THEMIS: variants seen among roughly 807,000 people sequenced by gnomAD.
THEMIS encodes the protein protein THEMIS.
In THEMIS, 37 loss-of-function variants were observed where a neutral mutation model predicts 52.6. That is an observed-to-expected ratio of 0.70 (90% CI 0.54 to 0.93). THEMIS has a LOEUF of 0.93. THEMIS is among the 40% of genes least tolerant of loss of function. The pLI, the probability that THEMIS is intolerant of heterozygous loss-of-function variation, is 0.00. For missense variants in THEMIS, 808 were observed against 763.1 expected (o/e 1.06, Z -0.69); for synonymous variants, 292 against 272.7 (o/e 1.07, Z -0.70).
At chr6:127,770,553 A>G (rs1022851172) in intron 4 of THEMIS, among the ~76,000 whole-genome samples, 1 of 151,798 alleles carries the variant, frequency 6.6e-6, no homozygotes, top group African/African-American at 2.4e-5. Context: ...GATTGCAAAA[A>G]TTTTCTCCCA....
At chr6:127,840,252 G>A (rs1779001394) in intron 2 of THEMIS, among the ~76,000 whole-genome samples, 1 of 152,062 alleles carries the variant, frequency 6.6e-6, no homozygotes, top group Non-Finnish European at 1.5e-5. Flanking sequence ...GTTCATCACA[G>A]TACAAATTGT....
intron 1 of THEMIS, among the ~76,000 whole-genome samples, chr6:127,910,982 G>T (rs1182848402): frequency 6.6e-6 from 1 of 152,034 alleles, no homozygotes; most frequent in East Asian, 1.9e-4. Context: ...ATACTGGTTA[G>T]GCATTTTGTA....
In THEMIS at chr6:127,745,613, A is replaced by G. The variant is rs964111259; in HGVS notation, c.1759-25790T>C. ...CAGTTCTATTTCAACATATTTAACT[A>G]TGTTCTCTTTAGTGCAATGGAAAAA... On this transcript the variant is annotated intron_variant, in intron 4 of 5. Transcript: ENST00000368248. Among the ~76,000 whole-genome samples, 4 of 151,830 alleles carry G rather than the reference A, an allele frequency of 2.6e-5. No individual in the cohort carries two copies. In the East Asian group the frequency reaches 7.7e-4, roughly 29 times the overall value.
chr6:127,740,170 ATT>A (rs896183959), intron 4 of THEMIS, among the ~76,000 whole-genome samples: 1 of 151,690 alleles, frequency 6.6e-6, no homozygotes, highest in Non-Finnish European at 1.5e-5. Flanking sequence ...AACCTAATTG[ATT>A]TTTTTTTCCT....
At chr6:127,814,899 G>A (rs1778071810) in intron 3 of THEMIS, among the ~76,000 whole-genome samples, 1 of 152,174 alleles carries the variant, frequency 6.6e-6, no homozygotes, top group African/African-American at 2.4e-5. Context: ...TCTTATGCCT[G>A]TAATCCCAGC....
At chr6:127,885,995 G>A (rs574484790) in intron 1 of THEMIS, among the ~76,000 whole-genome samples, 1 of 152,186 alleles carries the variant, frequency 6.6e-6, no homozygotes, top group Non-Finnish European at 1.5e-5. Context: ...GTCCAAAAGA[G>A]CCATATGTGG....
At chr6:127,745,527 A>G (rs574377648) in intron 4 of THEMIS, among the ~76,000 whole-genome samples, 6 of 151,866 alleles carry the variant, frequency 4.0e-5, no homozygotes, top group Non-Finnish European at 8.8e-5. Flanking sequence ...AACTACAAGT[A>G]CTGGTCTGTT....
At chr6:127,730,247 A>C (rs547568504) in intron 4 of THEMIS, among the ~76,000 whole-genome samples, 2 of 144,210 alleles carry the variant, frequency 1.4e-5, no homozygotes, top group African/African-American at 5.0e-5. Flanking sequence ...AGGCCTGGGC[A>C]ACAGAGACAG....
chr6:127,722,807 G>A (rs1413939225), intron 4 of THEMIS, among the ~76,000 whole-genome samples: 1 of 151,924 alleles, frequency 6.6e-6, no homozygotes, highest in South Asian at 2.1e-4. Flanking sequence ...TAATATCCAT[G>A]CATTTTTCAT....
At chr6:127,798,217 G>A (rs143586388) in intron 4 of THEMIS, among the ~76,000 whole-genome samples, 159 of 152,092 alleles carry the variant, frequency 1.0e-3, no homozygotes, top group African/African-American at 3.5e-3. Context: ...CTAAAATAGC[G>A]TGCCTTACTC....
At chr6:127,807,865 A>G (rs1777771562) in intron 4 of THEMIS, among the ~76,000 whole-genome samples, 1 of 152,194 alleles carries the variant, frequency 6.6e-6, no homozygotes, top group Non-Finnish European at 1.5e-5. Context: ...AGCCACTGTA[A>G]CTGTCAAACC....
At chr6:127,857,085 A>C (rs1198283083) in intron 1 of THEMIS, among the ~76,000 whole-genome samples, 1 of 150,992 alleles carries the variant, frequency 6.6e-6, no homozygotes, top group African/African-American at 2.4e-5. Flanking sequence ...AAAAAAAAAA[A>C]CCTACTATGT....
intron 4 of THEMIS, among the ~76,000 whole-genome samples, chr6:127,765,979 T>G (rs962872320): frequency 2.0e-5 from 3 of 152,282 alleles, no homozygotes; most frequent in South Asian, 2.1e-4. Context: ...TCTTAAATTT[T>G]TATTGATTCT....
chr6:127,717,448 G>T (rs1158581680), intron 5 of THEMIS, among the ~76,000 whole-genome samples: 3 of 151,688 alleles, frequency 2.0e-5, no homozygotes, highest in African/African-American at 7.3e-5. Context: ...TAATAATAAT[G>T]TTCTTAAAAT....
chr6:127,911,866 A>G (rs1213776067), intron 1 of THEMIS, among the ~76,000 whole-genome samples: 2 of 151,558 alleles, frequency 1.3e-5, no homozygotes, highest in Non-Finnish European at 2.9e-5. Flanking sequence ...TAGTGGAGCT[A>G]TAAGAAGGGG....
Position 127,813,656 on chromosome 6 carries a change from T to C in THEMIS, c.985A>G (p.Lys329Glu), listed in dbSNP as rs185187807. Residue 329 changes from lysine to glutamate, a missense_variant, in exon 4 of 6, where the codon AAA (lysine) becomes GAA (glutamate). Transcript: ENST00000368248. ...CTAGTGGGGATCAAGAAGTGTCTTT[T>C]AGGAAAATTGCTTCTAATTTCTGAA... is the stretch of plus-strand genomic sequence containing the variant. ...LASEIRSNFP[K>E]RHFLIPTSYK... 85 of 1,614,130 alleles carry C rather than the reference T, an allele frequency of 5.3e-5. No individual in the cohort carries two copies. The Admixed American group carries it at 1.4e-3, about 27-fold the overall frequency.
intron 1 of THEMIS, among the ~76,000 whole-genome samples, chr6:127,879,343 C>A (rs1325929610): frequency 6.6e-6 from 1 of 152,078 alleles, no homozygotes; most frequent in East Asian, 1.9e-4. Context: ...ATTGTGTGAT[C>A]TTTATTGCTC....
intron 3 of THEMIS, among the ~76,000 whole-genome samples, chr6:127,822,786 T>C (rs747290468): frequency 5.3e-5 from 8 of 152,106 alleles, no homozygotes; most frequent in Non-Finnish European, 1.2e-4. Flanking sequence ...TTACCTTCCA[T>C]GATTTAGGTG....
At chr6:127,744,503 A>G (rs1775317004) in intron 4 of THEMIS, among the ~76,000 whole-genome samples, 1 of 152,062 alleles carries the variant, frequency 6.6e-6, no homozygotes. Context: ...GCCTTTAAAA[A>G]GAAGGAAATC....
Sources: gnomAD v4.1 joint callset for allele counts (sites outside exome capture counted in the v4.1 genomes callset) on GRCh38, gnomAD v4.1.1 for gene constraint, MANE v1.5 for transcripts, NCBI Gene and HGNC (gene_info 2026-07-23, HGNC 2026-07-21) for gene names.